RBM38: variants seen among roughly 807,000 people sequenced by gnomAD.
The protein encoded by RBM38 is RNA binding motif protein 38.
RBM38 carries 11 observed loss-of-function variants against 23.5 expected under a neutral mutation model. The observed-to-expected ratio is 0.47, with a 90% confidence interval of 0.29 to 0.77. The LOEUF (loss-of-function observed/expected upper bound fraction) is 0.77. Among genes scored for constraint, RBM38 ranks in the 30% least tolerant of loss-of-function variants. The probability of loss-of-function intolerance (pLI) is 0.08; values close to 1 mark genes in which losing one functional copy is unlikely to be tolerated. For synonymous variants in RBM38, 165 were observed against 166.1 expected (o/e 0.99, Z 0.05); for missense variants, 330 against 351.9 (o/e 0.94, Z 0.50).
Position 57,401,287 on chromosome 20 carries a change from T to C in RBM38, c.417-6256T>C, listed in dbSNP as rs2067325559. Among the ~76,000 whole-genome samples, 2 of 152,122 alleles carry C rather than the reference T, an allele frequency of 1.3e-5. 1 individual carries two copies. The highest frequency in any genetic ancestry group is 1.3e-4 in the Admixed American group (2 of 15,278). On this transcript the variant is annotated intron_variant, in intron 3 of 3. Transcript: ENST00000356208. ...GGGGCGTGTGGTTCCCCAGAGGCAG[T>C]GATGAGGTCACCCGGGGCCGCCAGG...
rs201839752 is a variant in RBM38, at chr20:57,407,627, G to A, written c.501G>A (p.Ser167=). ...CCGCCCCTGTCCCGTCGCTGTCCTCGCCCTACATTGAGTACACGCCGGCCA... is the reference window on the plus strand; with the variant it reads ...CCGCCCCTGTCCCGTCGCTGTCCTCACCCTACATTGAGTACACGCCGGCCA... The part of the protein sequence containing the change: ...IPAAPVPSLS[S]PYIEYTPASP... The change falls in exon 4 of 4, where the codon TCG becomes TCA. Residue 167 remains serine (S), a synonymous_variant. Coordinates refer to ENST00000356208, the MANE Select transcript of RBM38 (RefSeq NM_017495.6). This position sits in a 1 kb window ranked among gnomAD's most constrained non-coding sequence, Gnocchi z 4.0. 4.3e-4 allele frequency: 700 copies of A among 1,613,600 alleles called. 1 individual carries two copies. Among genetic ancestry groups the A allele is most frequent in the Non-Finnish European group, 5.6e-4 (655 of 1,179,852 alleles).
At chr20:57,399,820 A>G (rs1407779020) in intron 3 of RBM38, 2 of 452,376 alleles carry the variant, frequency 4.4e-6, no homozygotes, top group Non-Finnish European at 8.9e-6. Flanking sequence ...GCCAGGCGGG[A>G]GTCAGAACCC....
chr20:57,402,501 C>T (rs913707675), intron 3 of RBM38, among the ~76,000 whole-genome samples: 2 of 152,206 alleles, frequency 1.3e-5, no homozygotes, highest in African/African-American at 4.8e-5. Flanking sequence ...AGGAGAGTCC[C>T]ACCAGGGCCA....
At chr20:57,403,551 G>A (rs1257055013) in intron 3 of RBM38, among the ~76,000 whole-genome samples, 1 of 152,186 alleles carries the variant, frequency 6.6e-6, no homozygotes, top group Non-Finnish European at 1.5e-5. Context: ...CTCTGCGATG[G>A]GGCAAGTCGC....
chr20:57,402,186 C>T lies in RBM38; in HGVS notation c.417-5357C>T, dbSNP rs904777372. On this transcript the variant is annotated intron_variant, in intron 3 of 3. Coordinates refer to ENST00000356208, the MANE Select transcript of RBM38 (RefSeq NM_017495.6). ...GGTCTCAATCTCCTGACCTCATGAT[C>T]CGCCCGCCTCGGCCTCCCTAAGTGC... Among the ~76,000 whole-genome samples, 3 of 152,198 alleles carry T rather than the reference C, an allele frequency of 2.0e-5. No individual in the cohort carries two copies. The East Asian group carries it at 5.8e-4, about 29-fold the overall frequency.
chr20:57,399,262 C>T (rs926974202), intron 3 of RBM38, among the ~76,000 whole-genome samples: 6 of 152,112 alleles, frequency 3.9e-5, no homozygotes, highest in South Asian at 4.1e-4. Context: ...AGGCTCCGAG[C>T]GGAGGAGGGA....
intron 3 of RBM38, among the ~76,000 whole-genome samples, chr20:57,405,548 C>T (rs1270318298): frequency 1.3e-5 from 2 of 152,064 alleles, no homozygotes; most frequent in Admixed American, 6.5e-5. Context: ...GATGGCTCAA[C>T]CTTGGAAGGT....
At chr20:57,395,668 G>A (rs2067266850) in intron 3 of RBM38, among the ~76,000 whole-genome samples, 1 of 152,202 alleles carries the variant, frequency 6.6e-6, no homozygotes, top group Non-Finnish European at 1.5e-5. Flanking sequence ...ACTGAGGTGG[G>A]TAGGGGGAGG....
intron 3 of RBM38, among the ~76,000 whole-genome samples, chr20:57,406,762 G>A (rs1429946896): frequency 6.6e-6 from 1 of 152,182 alleles, no homozygotes; most frequent in Non-Finnish European, 1.5e-5. Context: ...GGGAGGCCGA[G>A]GTGGGCGGAT....
chr20:57,401,487 C>T (rs563825599), intron 3 of RBM38, among the ~76,000 whole-genome samples: 3 of 152,142 alleles, frequency 2.0e-5, no homozygotes, highest in East Asian at 3.9e-4. Flanking sequence ...GGCCATTCCA[C>T]GGGGGGGCTC....
At chr20:57,402,952 C>T (rs972444825) in intron 3 of RBM38, among the ~76,000 whole-genome samples, 2 of 152,228 alleles carry the variant, frequency 1.3e-5, no homozygotes, top group Non-Finnish European at 1.5e-5. Context: ...TCTGATGGTC[C>T]ACAGTCGGGC....
chr20:57,392,834 A>G, intron 2 of RBM38, 57 bp downstream of exon 2: 1 of 1,587,930 alleles, frequency 6.3e-7, no homozygotes, highest in Admixed American at 1.8e-5. Flanking sequence ...GGGTGTCGGT[A>G]TCTGTCGGGT....
chr20:57,392,043 C>CCACCCCAGG (rs2067223938), intron 1 of RBM38, among the ~76,000 whole-genome samples: 1 of 132,912 alleles, frequency 7.5e-6, no homozygotes, highest in East Asian at 2.4e-4. Context: ...CCCACCCCCA[C>CCACCCCAGG]CCCCGGTTTA....
At chr20:57,397,968 G>A (rs1354966531) in intron 3 of RBM38, among the ~76,000 whole-genome samples, 1 of 152,212 alleles carries the variant, frequency 6.6e-6, no homozygotes, top group Non-Finnish European at 1.5e-5. Flanking sequence ...GTGTGATAAA[G>A]CTTCACAGTT....
chr20:57,391,732 A>G lies in RBM38; in HGVS notation c.151A>G (p.Arg51Gly). The G allele has an allele frequency of 6.4e-7, 1 of 1,562,136 alleles. No homozygotes were observed. Among genetic ancestry groups the G allele is most frequent in the Non-Finnish European group, 8.7e-7 (1 of 1,154,264 alleles). ...GTACCACACTACCGACGCCTCGCTC[A>G]GGAAGTACTTCGAGGGCTTCGGCGA... ...LPYHTTDASL[R>G]KYFEGFGDIE... Residue 51 changes from arginine to glycine, a missense_variant, in exon 1 of 4, where the codon AGG (arginine) becomes GGG (glycine). Arg to Gly is a moderately radical substitution (Grantham distance 125). Around this residue, in one of 3 missense-constraint regions of RBM38, gnomAD observed 95 missense variants for 111.9 expected, o/e 0.85. Transcript: ENST00000356208.
At chr20:57,405,147 C>A (rs1014516672) in intron 3 of RBM38, among the ~76,000 whole-genome samples, 1 of 152,230 alleles carries the variant, frequency 6.6e-6, no homozygotes, top group Non-Finnish European at 1.5e-5. Flanking sequence ...GCCTTTCCCC[C>A]ATCGCTGTCC....
At position 57,407,633 on chromosome 20, in the gene RBM38, C is replaced by T. The variant is rs2067400574; in HGVS notation, c.507C>T (p.Tyr169=). Residue 169 remains tyrosine, a synonymous_variant, in exon 4 of 4, where the codon TAC becomes TAT. Transcript: ENST00000356208. This position sits in a 1 kb window ranked among gnomAD's most constrained non-coding sequence, Gnocchi z 4.0. The part of the protein sequence containing the change: ...AAPVPSLSSP[Y]IEYTPASPAY... Reference sequence around the variant, plus strand: ...CTGTCCCGTCGCTGTCCTCGCCCTACATTGAGTACACGCCGGCCAGCCCGG... The same window carrying T: ...CTGTCCCGTCGCTGTCCTCGCCCTATATTGAGTACACGCCGGCCAGCCCGG... 2 of 1,613,520 alleles carry T rather than the reference C, an allele frequency of 1.2e-6. No individual in the cohort carries two copies. Among genetic ancestry groups the T allele is most frequent in the South Asian group, 2.2e-5 (2 of 91,080 alleles).
At chr20:57,399,009 G>T (rs535914766) in intron 3 of RBM38, among the ~76,000 whole-genome samples, 8 of 152,348 alleles carry the variant, frequency 5.3e-5, no homozygotes, top group Admixed American at 2.0e-4. Context: ...GGCTGGGGAT[G>T]CCTGCCATGG....
chr20:57,400,988 G>A (rs1321135198), intron 3 of RBM38, among the ~76,000 whole-genome samples: 3 of 152,188 alleles, frequency 2.0e-5, no homozygotes, highest in Non-Finnish European at 4.4e-5. Context: ...AGCAAGTGCC[G>A]TGTGCCCAAA....
Sources: gnomAD v4.1 joint callset for allele counts (sites outside exome capture counted in the v4.1 genomes callset) on GRCh38, gnomAD v4.1.1 for gene constraint, gnomAD v4.1.1 regional missense constraint, Gnocchi (gnomAD v3.1) non-coding constraint, MANE v1.5 for transcripts, NCBI Gene and HGNC (gene_info 2026-07-23, HGNC 2026-07-21) for gene names.